The following AIFM1 variants were observed in gnomAD, a reference collection of about 807,000 sequenced individuals.
AIFM1 encodes apoptosis-inducing factor 1, mitochondrial.
Under a neutral mutation model 51.7 loss-of-function variants are expected in AIFM1, and 3 were observed. That is an observed-to-expected ratio of 0.06 (90% CI 0.03 to 0.15). AIFM1 has a LOEUF of 0.15. AIFM1 is among the 10% of genes least tolerant of loss of function. The pLI is 1.00. For synonymous variants in AIFM1, 178 were observed against 179.4 expected, an observed-to-expected ratio of 0.99 and a Z score of 0.06; for missense variants, 330 against 476.8, an observed-to-expected ratio of 0.69 and a Z score of 2.87.
chrX:130,129,881 C>G, intron 15 of AIFM1, 89 bp downstream of exon 15: 1 of 1,075,478 alleles, frequency 9.3e-7, no homozygotes, highest in Non-Finnish European at 1.3e-6. Flanking sequence ...GGCCGGGGGA[C>G]AATGCATCTC....
intron 14 of AIFM1, among the ~76,000 whole-genome samples, chrX:130,131,380 TAGAA>T (rs1323901412): frequency 1.8e-5 from 2 of 112,451 alleles, no homozygotes; most frequent in African/African-American, 6.5e-5. Context: ...TTTTCTTCCT[TAGAA>T]AGGTCTTCCC....
At chrX:130,140,208 CCT>C (rs901665039) in intron 7 of AIFM1, among the ~76,000 whole-genome samples, 3 of 112,508 alleles carry the variant, frequency 2.7e-5, no homozygotes, top group Non-Finnish European at 3.8e-5. Context: ...GCTTCTGTCT[CCT>C]CTCTTGGTTT....
intron 1 of AIFM1, among the ~76,000 whole-genome samples, chrX:130,161,532 A>C (rs1407898474): frequency 2.0e-5 from 2 of 102,016 alleles, no homozygotes; most frequent in South Asian, 4.5e-4. Flanking sequence ...AAAAAAAAAA[A>C]CACAGGACAA....
chrX:130,165,723 C>A lies in AIFM1; in HGVS notation c.-67G>T. 1 of 922,636 alleles carries A rather than the reference C, an allele frequency of 1.1e-6. No individual in the cohort carries two copies. Among genetic ancestry groups the A allele is most frequent in the Non-Finnish European group, 1.5e-6 (1 of 648,806 alleles). The allele number at this position is 922,636 out of a possible 1,213,427, so 76.0% of individuals were successfully genotyped here. A position where few individuals can be genotyped will look rare whatever the true frequency, so the allele number is the denominator to read the frequency against. On this transcript the variant is annotated 5_prime_UTR_variant, in exon 1 of 16. Transcript: ENST00000287295. ...TCACGCACGACCGACGGGTCAAACA[C>A]CGTGAGCCCCGGCCAGCTCCCCCAG...
chrX:130,165,480 G>T, intron 1 of AIFM1, 71 bp downstream of exon 1: 1 of 906,518 alleles, frequency 1.1e-6, no homozygotes, highest in Non-Finnish European at 1.6e-6. Context: ...GGGGGTAGAG[G>T]GCTGCAAGGC....
chrX:130,145,746 T>G (rs1458385110), intron 5 of AIFM1, among the ~76,000 whole-genome samples, 177 bp from the exon 6 acceptor site: 1 of 112,100 alleles, frequency 8.9e-6, no homozygotes, highest in Non-Finnish European at 1.9e-5. Flanking sequence ...TCCAGATCAG[T>G]GGTTCTCAAC....
At chrX:130,131,936 G>C (rs1302184936) in intron 13 of AIFM1, 137 bp from the exon 14 acceptor site, 17 of 757,788 alleles carry the variant, frequency 2.2e-5, no homozygotes, top group Non-Finnish European at 3.1e-5. Context: ...CAATGGGTGC[G>C]AACTCAGTTC....
intron 2 of AIFM1, chrX:130,155,042 C>G: frequency 1.0e-6 from 1 of 976,818 alleles, no homozygotes; most frequent in Admixed American, 2.2e-5. Context: ...TAATAAACAC[C>G]TAGAGAAAGC....
intron 1 of AIFM1, among the ~76,000 whole-genome samples, chrX:130,160,584 T>G (rs1015332448): frequency 2.0e-4 from 22 of 112,180 alleles, no homozygotes; most frequent in Non-Finnish European, 1.9e-4. Flanking sequence ...TTCTTATTAC[T>G]ATTAAAATTT....
At chrX:130,136,236 C>G in intron 11 of AIFM1, 51 bp from the exon 12 acceptor site, 1 of 1,185,958 alleles carries the variant, frequency 8.4e-7, no homozygotes, top group Non-Finnish European at 1.1e-6. Flanking sequence ...TCCATTTATG[C>G]CTACAGGCGT....
intron 12 of AIFM1, among the ~76,000 whole-genome samples, chrX:130,133,795 A>AT (rs779208595): frequency 3.1e-3 from 308 of 99,829 alleles, no homozygotes; most frequent in Non-Finnish European, 3.0e-3. Context: ...GCCTGGCTAA[A>AT]TTTTTTTTTT....
At chrX:130,146,879 T>C (rs890555220) in intron 5 of AIFM1, among the ~76,000 whole-genome samples, 7 of 112,395 alleles carry the variant, frequency 6.2e-5, no homozygotes, top group Middle Eastern at 4.6e-3. Context: ...AAAGAAGTGA[T>C]GGCTGGGGGC....
chrX:130,146,686 C>T (rs1015585398), intron 5 of AIFM1, among the ~76,000 whole-genome samples: 1 of 110,801 alleles, frequency 9.0e-6, no homozygotes, highest in African/African-American at 3.3e-5. Context: ...AGTTGTCCAT[C>T]AAAAGGAAAA....
rs186767244 is a variant in AIFM1 at position 130,133,051 on chromosome X, G to A, written c.1448+262C>T. ...GGTGCCATCTCCATTCATTCACCTA[G>A]TCTAACATACGCCAGACAGAACACT... is the stretch of plus-strand genomic sequence containing the variant. On this transcript the variant is annotated intron_variant, in intron 13 of 15. Coordinates refer to ENST00000287295, the MANE Select transcript of AIFM1 (RefSeq NM_004208.4). Among the ~76,000 whole-genome samples the A allele has an allele frequency of 6.3e-5, 7 of 111,495 alleles. No homozygotes were observed. The East Asian group carries it at 2.0e-3, about 31-fold the overall frequency.
Position 130,131,027 on chromosome X carries a change from G to A in AIFM1, c.1573+648C>T, listed in dbSNP as rs149688983. The stretch of plus-strand genomic sequence containing the variant: ...TTCTTAAACAGCACCTTGCCCTTGA[G>A]ACACCTCTGGCAAAAGGATGCAGAA... On this transcript the variant is annotated intron_variant, in intron 14 of 15. Coordinates refer to ENST00000287295, the MANE Select transcript of AIFM1 (RefSeq NM_004208.4). Among the ~76,000 whole-genome samples, 633 of 112,478 alleles carry A rather than the reference G, an allele frequency of 5.6e-3. 6 individuals carry two copies. Among genetic ancestry groups the A allele is most frequent in the African/African-American group, 0.02 (608 of 30,939 alleles).
rs779608569 is a variant in AIFM1 at position 130,133,305 on chromosome X, A to G, written c.1448+8T>C. ...ATCAGTTGGGTCTCCAAGGCACACC[A>G]CTATTACCAGAACATTGACTGATGC... On this transcript the variant is annotated splice_region_variant and intron_variant, in intron 13 of 15. Coordinates refer to ENST00000287295, the MANE Select transcript of AIFM1 (RefSeq NM_004208.4). The G allele has an allele frequency of 2.4e-5, 29 of 1,208,430 alleles. No individual in the cohort carries two copies. The highest frequency in any genetic ancestry group is 3.2e-5 in the Non-Finnish European group (29 of 894,735).
Position 130,165,676 on chromosome X carries a change from G to A in AIFM1, c.-20C>T. 8.7e-7 allele frequency: 1 copy of A among 1,155,428 alleles called. No individual in the cohort carries two copies. Among genetic ancestry groups the A allele is most frequent in the Non-Finnish European group, 1.2e-6 (1 of 855,575 alleles). On this transcript the variant is annotated 5_prime_UTR_variant, in exon 1 of 16. Transcript: ENST00000287295. ...GAACATTTCGGCGACCGCTATTCGG[G>A]ACCTCCTCCTTCCCTTTCCTCTCAC...
At chrX:130,142,984 G>A (rs1367760124) in intron 6 of AIFM1, among the ~76,000 whole-genome samples, 7 of 112,009 alleles carry the variant, frequency 6.2e-5, no homozygotes, top group Non-Finnish European at 1.1e-4. Flanking sequence ...CGGTAACACT[G>A]TGGATCACAT....
At position 130,151,799 on chromosome X, in the gene AIFM1, G is replaced by A. The variant is rs777046292; in HGVS notation, c.250-2231C>T. On this transcript the variant is annotated intron_variant, in intron 2 of 15. Coordinates refer to ENST00000287295, the MANE Select transcript of AIFM1 (RefSeq NM_004208.4). ...CTGATGCCTATAATTCCAGCACTTT[G>A]GGAGGCCAAGTTGTGGAGATCACTT... 7.4e-4 allele frequency among the ~76,000 whole-genome samples: 83 copies of A among 111,912 alleles called. No individual in the cohort carries two copies. In the South Asian group the frequency reaches 0.028, roughly 38 times the overall value.
Sources: allele counts gnomAD v4.1 joint callset (sites outside exome capture counted in the v4.1 genomes callset), GRCh38; gene constraint gnomAD v4.1.1; transcripts MANE v1.5; gene names NCBI Gene and HGNC (gene_info 2026-07-23, HGNC 2026-07-21).